Variants in SMIM36 observed in about 807,000 individuals in gnomAD.
The protein encoded by SMIM36 is small integral membrane protein 36.
At chr17:55,486,040 C>T (rs895219445) in intron 1 of SMIM36, among the ~76,000 whole-genome samples, 5 of 135,652 alleles carry the variant, frequency 3.7e-5, no homozygotes, top group African/African-American at 5.5e-5. Context: ...TTCCTTTATT[C>T]TTTTTTTTTT....
the SMIM36 span, among the ~76,000 whole-genome samples, chr17:55,519,367 G>A: frequency 6.6e-6 from 1 of 152,148 alleles, no homozygotes; most frequent in Non-Finnish European, 1.5e-5. Flanking sequence ...TGGTGTGTGG[G>A]TGGAATGTGG....
At chr17:55,459,944 G>C (rs1207873654) in intron 4 of SMIM36, among the ~76,000 whole-genome samples, 1 of 152,144 alleles carries the variant, frequency 6.6e-6, no homozygotes, top group Non-Finnish European at 1.5e-5. Context: ...AGTAAGCTAT[G>C]ATAGCACCAC....
chr17:55,480,785 G>A (rs988958549), intron 1 of SMIM36, among the ~76,000 whole-genome samples: 1 of 152,134 alleles, frequency 6.6e-6, no homozygotes, highest in Non-Finnish European at 1.5e-5. Context: ...AGAGACAATG[G>A]TTGCTCTTTG....
chr17:55,489,690 G>A (rs1909668108), intron 1 of SMIM36, among the ~76,000 whole-genome samples: 1 of 152,132 alleles, frequency 6.6e-6, no homozygotes, highest in African/African-American at 2.4e-5. Context: ...CAGGTGCACG[G>A]CATTCCACTG....
chr17:55,515,368 C>T (rs1910257728), upstream of SMIM36, among the ~76,000 whole-genome samples: 1 of 152,148 alleles, frequency 6.6e-6, no homozygotes. Flanking sequence ...TGGAGAAATA[C>T]TGCCATATTT....
At chr17:55,496,848 G>T (rs1909816503) in intron 1 of SMIM36, among the ~76,000 whole-genome samples, 1 of 152,160 alleles carries the variant, frequency 6.6e-6, no homozygotes, top group Non-Finnish European at 1.5e-5. Context: ...AGGACTAAAA[G>T]TCAGGATCCC....
chr17:55,501,353 T>C (rs189254889), intron 1 of SMIM36, among the ~76,000 whole-genome samples: 1,970 of 62,678 alleles, frequency 0.031, 69 homozygotes, highest in African/African-American at 0.16. Flanking sequence ...ATATTATATT[T>C]TATAATATAT....
At chr17:55,456,170 T>A (rs185048923) in intron 4 of SMIM36, among the ~76,000 whole-genome samples, 10 of 142,796 alleles carry the variant, frequency 7.0e-5, no homozygotes, top group Non-Finnish European at 1.4e-4. Flanking sequence ...TGTTTCAAAG[T>A]CCATATCCCT....
chr17:55,511,042 C>T (rs1910171981), exon 1 of SMIM36: 1 of 398,322 alleles, frequency 2.5e-6, no homozygotes, highest in Non-Finnish European at 4.4e-6. Flanking sequence ...CCCAGTGTCC[C>T]TTAGCCAGCC....
At chr17:55,460,772 G>A (rs1029122510) in intron 4 of SMIM36, among the ~76,000 whole-genome samples, 3 of 152,008 alleles carry the variant, frequency 2.0e-5, no homozygotes, top group Admixed American at 1.3e-4. Context: ...GCAGGAGAAT[G>A]GCGTGAACCC....
chr17:55,453,677 G>T (rs1410654851), intron 4 of SMIM36, among the ~76,000 whole-genome samples: 1 of 152,158 alleles, frequency 6.6e-6, no homozygotes, highest in Non-Finnish European at 1.5e-5. Context: ...AACATTACCA[G>T]ATCCCCTGGA....
upstream of SMIM36, among the ~76,000 whole-genome samples, chr17:55,515,084 G>GTTT (rs1567874075): frequency 9.5e-3 from 531 of 56,076 alleles, 31 homozygotes; most frequent in Non-Finnish European, 0.03. Context: ...TTCTAGTCTA[G>GTTT]TGTTTTTTTT....
At chr17:55,518,393 C>T in the SMIM36 span, among the ~76,000 whole-genome samples, 80 of 152,292 alleles carry the variant, frequency 5.3e-4, no homozygotes, top group African/African-American at 1.5e-3. Flanking sequence ...TACCGATACA[C>T]GAACTTTGGG....
chr17:55,519,478 G>A, the SMIM36 span, among the ~76,000 whole-genome samples: 140 of 152,274 alleles, frequency 9.2e-4, no homozygotes, highest in African/African-American at 3.3e-3. Context: ...GGGAGGACTG[G>A]CAGTGGTGCT....
chr17:55,518,707 C>T, the SMIM36 span, among the ~76,000 whole-genome samples: 2 of 151,812 alleles, frequency 1.3e-5, no homozygotes, highest in African/African-American at 2.4e-5. Context: ...AAAGTTGTTT[C>T]GTTTTTGTTT....
chr17:55,527,787 C>T, the SMIM36 span: 7 of 152,358 alleles, frequency 4.6e-5, no homozygotes, highest in African/African-American at 1.7e-4. Context: ...TAGGCTGCCA[C>T]TCTGCAGATC....
At chr17:55,484,982 C>T (rs1909580306) in intron 1 of SMIM36, among the ~76,000 whole-genome samples, 1 of 152,154 alleles carries the variant, frequency 6.6e-6, no homozygotes. Flanking sequence ...AAATATGCTG[C>T]CATTGACTGG....
At chr17:55,485,452 A>ATTT (rs371128057) in intron 1 of SMIM36, among the ~76,000 whole-genome samples, 2,027 of 144,288 alleles carry the variant, frequency 0.014, 51 homozygotes, top group Middle Eastern at 0.018. Flanking sequence ...TACCCTGCTG[A>ATTT]TTTTTTTTTT....
At chr17:55,497,663 C>G (rs1307551105) in intron 1 of SMIM36, among the ~76,000 whole-genome samples, 2 of 152,096 alleles carry the variant, frequency 1.3e-5, no homozygotes, top group African/African-American at 4.8e-5. Context: ...GAGTTCAAGA[C>G]CAGCCTGGCC....
Sources: allele counts gnomAD v4.1 joint callset (sites outside exome capture counted in the v4.1 genomes callset), GRCh38; gene constraint gnomAD v4.1.1; transcripts MANE v1.5; gene names NCBI Gene and HGNC (gene_info 2026-07-23, HGNC 2026-07-21).